The following FRYL variants were observed in gnomAD, a reference collection of about 807,000 sequenced individuals.
FRYL encodes the protein protein furry homolog-like.
In FRYL, 150 loss-of-function variants were observed where a neutral mutation model predicts 351.2. That is an observed-to-expected ratio of 0.43 (90% CI 0.37 to 0.49). The LOEUF (loss-of-function observed/expected upper bound fraction) is 0.49. Ranked by LOEUF, FRYL falls within the 20% of genes least tolerant of loss-of-function variation. The pLI, the probability that FRYL is intolerant of heterozygous loss-of-function variation, is 0.00. For synonymous variants in FRYL, 1,153 were observed against 1,257.1 expected (o/e 0.92, Z 1.75); for missense variants, 3,036 against 3,619.3 (o/e 0.84, Z 4.13).
At chr4:48,736,625 G>A (rs1220018672) in intron 1 of FRYL, among the ~76,000 whole-genome samples, 8 of 151,838 alleles carry the variant, frequency 5.3e-5, no homozygotes, top group East Asian at 1.9e-4. Flanking sequence ...CCAGGCAGGC[G>A]GATCACCTGA....
chr4:48,626,318 ATATCT>A (rs59688179), intron 4 of FRYL, among the ~76,000 whole-genome samples: 4,934 of 152,170 alleles, frequency 0.032, 84 homozygotes, highest in Admixed American at 0.047. Flanking sequence ...AAGTTTAAAG[ATATCT>A]TAAGAACTAT....
intron 4 of FRYL, among the ~76,000 whole-genome samples, chr4:48,623,894 T>C (rs1386924130): frequency 1.3e-5 from 2 of 152,142 alleles, no homozygotes; most frequent in Non-Finnish European, 2.9e-5. Flanking sequence ...ACCTTTTATA[T>C]GTATGTAAAA....
intron 57 of FRYL, among the ~76,000 whole-genome samples, 163 bp downstream of exon 57, chr4:48,512,318 C>T (rs1577873941): frequency 6.6e-6 from 1 of 151,690 alleles, no homozygotes; most frequent in Non-Finnish European, 1.5e-5. Flanking sequence ...CCAGCAGTAC[C>T]ACAATGTCAC....
At chr4:48,741,568 T>C (rs1772077398) in intron 1 of FRYL, among the ~76,000 whole-genome samples, 1 of 151,846 alleles carries the variant, frequency 6.6e-6, no homozygotes, top group Non-Finnish European at 1.5e-5. Context: ...CCAGGCATGG[T>C]TGGACATGAC....
chr4:48,543,384 C>T lies in FRYL; in HGVS notation c.5592+423G>A, dbSNP rs188731520. 4.3e-3 allele frequency among the ~76,000 whole-genome samples: 658 copies of T among 152,298 alleles called. 7 individuals are homozygous for T. Among genetic ancestry groups the T allele is most frequent in the African/African-American group, 0.014 (593 of 41,568 alleles). On this transcript the variant is annotated intron_variant, in intron 44 of 63. Coordinates refer to ENST00000358350, the MANE Select transcript of FRYL (RefSeq NM_015030.2). Reference sequence around the variant, plus strand: ...GTTAGGAACTTTGTCTCATTGATCACTGTATCCCTGATATTTATAACAGCG... The same window carrying T: ...GTTAGGAACTTTGTCTCATTGATCATTGTATCCCTGATATTTATAACAGCG...
chr4:48,700,021 A>G (rs1307020622), intron 2 of FRYL, among the ~76,000 whole-genome samples: 2 of 152,212 alleles, frequency 1.3e-5, no homozygotes, highest in Non-Finnish European at 2.9e-5. Flanking sequence ...TAATAAAGGA[A>G]CAGAGTCCGA....
At chr4:48,651,778 T>C (rs1757761608) in intron 3 of FRYL, among the ~76,000 whole-genome samples, 1 of 152,206 alleles carries the variant, frequency 6.6e-6, no homozygotes, top group African/African-American at 2.4e-5. Context: ...CCTCCCCCTA[T>C]GAGTTGTATT....
intron 1 of FRYL, among the ~76,000 whole-genome samples, chr4:48,712,368 C>T (rs1440648377): frequency 2.6e-5 from 4 of 151,962 alleles, no homozygotes; most frequent in Non-Finnish European, 5.9e-5. Flanking sequence ...CAGAGAAGTG[C>T]TTAAAGGAGC....
chr4:48,696,036 G>A (rs1205340739), intron 2 of FRYL, among the ~76,000 whole-genome samples: 1 of 152,156 alleles, frequency 6.6e-6, no homozygotes, highest in Non-Finnish European at 1.5e-5. Flanking sequence ...AATAGATGCT[G>A]GTGAGGCTGT....
chr4:48,778,114 T>C (rs1019513301), intron 1 of FRYL, among the ~76,000 whole-genome samples: 3 of 152,228 alleles, frequency 2.0e-5, no homozygotes, highest in Admixed American at 6.5e-5. Flanking sequence ...GGAGGATCAC[T>C]TGAACCCAAA....
At position 48,603,311 on chromosome 4, in the gene FRYL, G is replaced by A. The variant is rs375002969; in HGVS notation, c.912C>T (p.Ser304=). 91 of 1,608,904 alleles carry A rather than the reference G, an allele frequency of 5.7e-5. No individual in the cohort carries two copies. The highest frequency in any genetic ancestry group is 1.3e-5 in the Non-Finnish European group (15 of 1,177,182). Residue 304 remains serine (S), a synonymous_variant, in exon 12 of 64, where the codon AGC becomes AGT. Transcript: ENST00000358350. ...EMLYQTTFEL[S]SRKKHSLALY... ...ATACCAATGAATGCTTCTTTCTCGAGCTCAGTTCAAAAGTAGTCTGATAAA... is the reference window on the plus strand; with the variant it reads ...ATACCAATGAATGCTTCTTTCTCGAACTCAGTTCAAAAGTAGTCTGATAAA...
At chr4:48,543,071 A>C (rs1266977603) in intron 44 of FRYL, among the ~76,000 whole-genome samples, 1 of 152,066 alleles carries the variant, frequency 6.6e-6, no homozygotes, top group Non-Finnish European at 1.5e-5. Flanking sequence ...AATTTTCTTG[A>C]TGTTCCTCAG....
Position 48,581,615 on chromosome 4 carries a change from C to T in FRYL, c.1987-10G>A, listed in dbSNP as rs1296815318. 6.4e-7 allele frequency: 1 copy of T among 1,571,516 alleles called. No individual in the cohort carries two copies. The highest frequency in any genetic ancestry group is 8.6e-7 in the Non-Finnish European group (1 of 1,163,900). On this transcript the variant is annotated splice_polypyrimidine_tract_variant and intron_variant, in intron 20 of 63. Coordinates refer to ENST00000358350, the MANE Select transcript of FRYL (RefSeq NM_015030.2). ...CATTAGCTACACCATGCTTGAAAAA[C>T]AGAAGTTAAAAACAAAATATAAAAA...
Position 48,564,022 on chromosome 4 carries a change from C to T in FRYL, c.3522G>A (p.Val1174=), listed in dbSNP as rs764519048. The change falls in exon 31 of 64, where the codon GTG becomes GTA. Residue 1174 remains valine, a synonymous_variant. Coordinates refer to ENST00000358350, the MANE Select transcript of FRYL (RefSeq NM_015030.2). ...PDQSNLMYWA[V]DRCYTGSGRV... ...TCCCGGAGCCCGTGTAGCAGCGGTCCACAGCCCAGTACATCAGGTTGCTCT... is the reference window on the plus strand; with the variant it reads ...TCCCGGAGCCCGTGTAGCAGCGGTCTACAGCCCAGTACATCAGGTTGCTCT... The T allele has an allele frequency of 1.2e-6, 2 of 1,614,194 alleles. No individual in the cohort carries two copies. Among genetic ancestry groups the T allele is most frequent in the African/African-American group, 2.7e-5 (2 of 75,064 alleles).
chr4:48,555,477 T>C (rs1478917793), intron 35 of FRYL, among the ~76,000 whole-genome samples: 2 of 152,200 alleles, frequency 1.3e-5, no homozygotes, highest in Non-Finnish European at 2.9e-5. Context: ...GTGGTGCATT[T>C]GCAGTTTTAG....
chr4:48,570,115 AT>A (rs1437310148), intron 27 of FRYL, among the ~76,000 whole-genome samples: 1 of 150,876 alleles, frequency 6.6e-6, no homozygotes, highest in Admixed American at 6.6e-5. Flanking sequence ...CACCTAGTCC[AT>A]TTTTTTTTCC....
At position 48,603,292 on chromosome 4, in the gene FRYL, A is replaced by G. The variant is rs528163731; in HGVS notation, c.931T>C (p.Leu311=). ...FELSSRKKHS[L]ALYPLITCLL... ...AGGTTTGAAATGTTTCTTAATACCA[A>G]TGAATGCTTCTTTCTCGAGCTCAGT... Residue 311 remains leucine, a splice_region_variant and synonymous_variant, in exon 12 of 64, where the codon TTG becomes CTG. Transcript: ENST00000358350. 9 of 1,590,350 alleles carry G rather than the reference A, an allele frequency of 5.7e-6. No individual in the cohort carries two copies. Among genetic ancestry groups the G allele is most frequent in the South Asian group, 4.5e-5 (4 of 88,842 alleles).
At chr4:48,712,873 C>T (rs9760549) in intron 1 of FRYL, among the ~76,000 whole-genome samples, 4,372 of 152,238 alleles carry the variant, frequency 0.029, 209 homozygotes, top group African/African-American at 0.1. Flanking sequence ...AGACTAACAG[C>T]GGATCTCTCA....
rs752782721 is a variant in FRYL, at chr4:48,546,077, T to C, written c.5269A>G (p.Ile1757Val). 4.3e-6 allele frequency: 7 copies of C among 1,612,776 alleles called. 1 individual carries two copies. In the Admixed American group the frequency reaches 8.4e-5, roughly 19 times the overall value. ...AGCTGCCAGTGTTACCTTGAGGTAA[T>C]GAATTCCATGAGGGTTTTGACTTTT... is the stretch of plus-strand genomic sequence containing the variant. ...DGKVKTLMEF[I>V]TSRKRGPLWN... The change falls in exon 42 of 64, where the codon ATT (isoleucine) becomes GTT (valine). Residue 1757 changes from isoleucine (I) to valine (V), a missense_variant. Ile to Val is a conservative substitution (Grantham distance 29). Around this residue, in one of 7 missense-constraint regions of FRYL, gnomAD observed 1,987 missense variants for 2,311.7 expected, o/e 0.86. Coordinates refer to ENST00000358350, the MANE Select transcript of FRYL (RefSeq NM_015030.2).
Sources: allele counts gnomAD v4.1 joint callset (sites outside exome capture counted in the v4.1 genomes callset), GRCh38; gene constraint gnomAD v4.1.1; regional missense constraint gnomAD v4.1.1; transcripts MANE v1.5; gene names NCBI Gene and HGNC (gene_info 2026-07-23, HGNC 2026-07-21).